Variants in RBM33 observed in about 807,000 individuals in gnomAD.
RBM33 encodes RNA binding motif protein 33.
A neutral mutation model predicts 132.6 loss-of-function variants in RBM33; 28 were observed. The ratio of observed to expected loss-of-function variants is 0.21; its 90% CI spans 0.16 to 0.29. RBM33 has a LOEUF of 0.29. Ranked by LOEUF, RBM33 falls within the 10% of genes least tolerant of loss-of-function variation. The probability of loss-of-function intolerance (pLI) is 1.00; values close to 1 mark genes in which losing one functional copy is unlikely to be tolerated. For missense variants in RBM33, 1,291 were observed against 1,518.5 expected, an observed-to-expected ratio of 0.85 and a Z score of 2.49; for synonymous variants, 634 against 593.0, an observed-to-expected ratio of 1.07 and a Z score of -1.01.
intron 5 of RBM33, among the ~76,000 whole-genome samples, chr7:155,692,632 G>A (rs1365437615): frequency 2.0e-5 from 3 of 152,186 alleles, no homozygotes; most frequent in Non-Finnish European, 4.4e-5. Flanking sequence ...TAGTGATACA[G>A]ATAACATTGT....
chr7:155,659,233 C>T (rs1798574885), intron 1 of RBM33, among the ~76,000 whole-genome samples: 1 of 151,764 alleles, frequency 6.6e-6, no homozygotes, highest in Admixed American at 6.6e-5. Context: ...AAAGTATGGC[C>T]CATTCATAGT....
At chr7:155,733,197 T>C (rs2117016124) in intron 9 of RBM33, among the ~76,000 whole-genome samples, 1 of 152,352 alleles carries the variant, frequency 6.6e-6, no homozygotes, top group Non-Finnish European at 1.5e-5. Flanking sequence ...GTGTATGTAA[T>C]GTGACAAGTG....
At position 155,706,977 on chromosome 7, in the gene RBM33, G is replaced by T; in HGVS notation, c.857G>T (p.Arg286Leu). The change falls in exon 7 of 18, where the codon CGT becomes CTT. Residue 286 changes from arginine to leucine, a missense_variant. Physicochemically the swap from Arg to Leu is moderately radical, Grantham distance 102. This residue lies in a region of RBM33 where 146 missense variants were observed against 137.1 expected (regional missense o/e 1.07). Transcript: ENST00000401878. The part of the protein sequence containing the change: ...GGRRGGPLMC[R>L]GVGDQRREST... Reference sequence around the variant, plus strand: ...CGGCGAGGAGGTCCGCTGATGTGTCGTGGTGTGGGGGACCAGAGGAGAGAG... The same window carrying T: ...CGGCGAGGAGGTCCGCTGATGTGTCTTGGTGTGGGGGACCAGAGGAGAGAG... 2 of 1,596,832 alleles carry T rather than the reference G, an allele frequency of 1.3e-6. No individual in the cohort carries two copies. The highest frequency in any genetic ancestry group is 1.7e-4 in the Middle Eastern group (1 of 6,042).
rs558280952 is a variant in RBM33, at chr7:155,720,901, G to A, written c.1260+2458G>A. Among the ~76,000 whole-genome samples, 28 of 152,212 alleles carry A rather than the reference G, an allele frequency of 1.8e-4. 1 individual carries two copies. The South Asian group carries it at 3.3e-3, about 18-fold the overall frequency. ...TGCTTTAAAAACTGACTACACACACGCACACACAAAGTGATGGAACATTGA... is the reference window on the plus strand; with the variant it reads ...TGCTTTAAAAACTGACTACACACACACACACACAAAGTGATGGAACATTGA... On this transcript the variant is annotated intron_variant, in intron 9 of 17. Coordinates refer to ENST00000401878, the MANE Select transcript of RBM33 (RefSeq NM_053043.3).
chr7:155,763,715 G>A, intron 14 of RBM33, 97 bp from the exon 15 acceptor site: 2 of 1,119,492 alleles, frequency 1.8e-6, no homozygotes, highest in Non-Finnish European at 1.3e-6. Context: ...GTTTTGCTTT[G>A]TGGGTGAACA....
intron 1 of RBM33, among the ~76,000 whole-genome samples, chr7:155,655,678 A>G (rs1477795510): frequency 6.6e-6 from 1 of 151,648 alleles, no homozygotes; most frequent in East Asian, 1.9e-4. Flanking sequence ...CCTAAAGTGC[A>G]TTTAAAAAAT....
chr7:155,713,433 G>A (rs1800364671), intron 8 of RBM33, among the ~76,000 whole-genome samples: 1 of 151,884 alleles, frequency 6.6e-6, no homozygotes, highest in Non-Finnish European at 1.5e-5. Context: ...GGCAGGAGGA[G>A]AACCCGTCAG....
At chr7:155,675,084 A>C (rs1294048605) in intron 3 of RBM33, among the ~76,000 whole-genome samples, 1 of 152,100 alleles carries the variant, frequency 6.6e-6, no homozygotes, top group East Asian at 1.9e-4. Flanking sequence ...AGGCAGGTGG[A>C]CCACTTGAGG....
At chr7:155,662,521 C>G (rs1369328623) in intron 1 of RBM33, among the ~76,000 whole-genome samples, 3 of 151,934 alleles carry the variant, frequency 2.0e-5, no homozygotes, top group East Asian at 1.9e-4. Context: ...CTCACCCCGC[C>G]CCCCCCGCTC....
rs1001074931 is a variant in RBM33 at position 155,781,302 on chromosome 7, A to G, written c.*6261A>G. ...CGTTGCCTGTTCCACCCCTTTGTTC[A>G]CTTCGCGTTAACTGCTGTGGTAACT... On this transcript the variant is annotated 3_prime_UTR_variant, in exon 18 of 18. Transcript: ENST00000401878. 1 of 152,076 alleles carries G rather than the reference A, an allele frequency of 6.6e-6. No individual in the cohort carries two copies. Among genetic ancestry groups the G allele is most frequent in the African/African-American group, 2.4e-5 (1 of 41,374 alleles). The allele number at this position is 152,076 out of a possible 1,614,324, so 9.4% of individuals were successfully genotyped here.
At chr7:155,754,086 G>A (rs1295007601) in intron 14 of RBM33, among the ~76,000 whole-genome samples, 1 of 152,182 alleles carries the variant, frequency 6.6e-6, no homozygotes, top group African/African-American at 2.4e-5. Flanking sequence ...CTCTAAACAT[G>A]GCAAGATAGA....
At chr7:155,662,456 T>G (rs1798678518) in intron 1 of RBM33, among the ~76,000 whole-genome samples, 1 of 152,148 alleles carries the variant, frequency 6.6e-6, no homozygotes, top group Non-Finnish European at 1.5e-5. Flanking sequence ...CTCTTTGGCT[T>G]GAAGTCAGTT....
chr7:155,762,774 C>T (rs1050310165), intron 14 of RBM33, among the ~76,000 whole-genome samples: 1 of 152,210 alleles, frequency 6.6e-6, no homozygotes, highest in Non-Finnish European at 1.5e-5. Context: ...CACAGCTAAG[C>T]ACCCTGTGGG....
intron 14 of RBM33, among the ~76,000 whole-genome samples, chr7:155,759,575 G>C (rs535631612): frequency 6.6e-6 from 1 of 151,834 alleles, no homozygotes; most frequent in Admixed American, 6.5e-5. Flanking sequence ...CCGCCACCGC[G>C]CCCGGCTAAT....
chr7:155,673,277 A>G (rs763182479), intron 3 of RBM33, among the ~76,000 whole-genome samples: 5 of 152,130 alleles, frequency 3.3e-5, no homozygotes, highest in Non-Finnish European at 5.9e-5. Flanking sequence ...GCATTCAGAG[A>G]TAAGCTTAAA....
chr7:155,754,818 TAGG>T (rs1324887494), intron 14 of RBM33, among the ~76,000 whole-genome samples: 1 of 152,234 alleles, frequency 6.6e-6, no homozygotes, highest in Non-Finnish European at 1.5e-5. Context: ...GCTTGGTAGT[TAGG>T]AGGTCTGTCC....
chr7:155,737,438 G>C (rs1324884348), intron 9 of RBM33, 92 bp from the exon 10 acceptor site: 6 of 1,362,590 alleles, frequency 4.4e-6, no homozygotes, highest in Non-Finnish European at 4.9e-6. Context: ...ACATTTTTGA[G>C]GAAAACTTGG....
Position 155,711,216 on chromosome 7 carries a change from C to T in RBM33, c.962C>T (p.Pro321Leu). 1 of 1,572,800 alleles carries T rather than the reference C, an allele frequency of 6.4e-7. No individual in the cohort carries two copies. Among genetic ancestry groups the T allele is most frequent in the Non-Finnish European group, 8.6e-7 (1 of 1,158,754 alleles). The change falls in exon 8 of 18, where the codon CCT (proline) becomes CTT (leucine). Residue 321 changes from proline (P) to leucine (L), a missense_variant. Pro to Leu is a moderately conservative substitution (Grantham distance 98, BLOSUM62 -3). This residue lies in a region of RBM33 where 146 missense variants were observed against 137.1 expected (regional missense o/e 1.07). Coordinates refer to ENST00000401878, the MANE Select transcript of RBM33 (RefSeq NM_053043.3). ...ATTCCTCCACAGCCCCAGGCTCCCC[C>T]TCCACCGCCACCGCCGCCTCAGCAG... is the stretch of plus-strand genomic sequence containing the variant. ...TQPPVVPQAP[P>L]PPPPPPQQQP... is the part of the protein sequence containing the mutation.
intron 2 of RBM33, among the ~76,000 whole-genome samples, chr7:155,668,130 C>T (rs561037641): frequency 1.8e-4 from 27 of 152,170 alleles, no homozygotes; most frequent in Middle Eastern, 3.4e-3. Context: ...GTGTGTGTGT[C>T]TATGTATACG....
Sources: gnomAD v4.1 joint callset for allele counts (sites outside exome capture counted in the v4.1 genomes callset) on GRCh38, gnomAD v4.1.1 for gene constraint, gnomAD v4.1.1 regional missense constraint, MANE v1.5 for transcripts, NCBI Gene and HGNC (gene_info 2026-07-23, HGNC 2026-07-21) for gene names.